Variants in GLS observed in about 807,000 individuals in gnomAD.
GLS encodes the protein glutaminase, also known as glutaminase kidney isoform, mitochondrial.
In GLS, 36 loss-of-function variants were observed where a neutral mutation model predicts 86.7. That is an observed-to-expected ratio of 0.42 (90% CI 0.32 to 0.55). The LOEUF (loss-of-function observed/expected upper bound fraction) is 0.55, where lower values mean the gene tolerates loss of function less well. Among genes scored for constraint, GLS ranks in the 20% least tolerant of loss-of-function variants. The probability of loss-of-function intolerance (pLI) is 0.17; values close to 1 mark genes in which losing one functional copy is unlikely to be tolerated. For missense variants in GLS, 528 were observed against 833.4 expected, an observed-to-expected ratio of 0.63 and a Z score of 4.51; for synonymous variants, 317 against 305.9, an observed-to-expected ratio of 1.04 and a Z score of -0.38.
Position 190,898,694 on chromosome 2 carries a change from C to T in GLS, c.606-1870C>T, listed in dbSNP as rs572695879. On this transcript the variant is annotated intron_variant, in intron 3 of 17. Transcript: ENST00000320717. ...TTGCCCAGGCTGGAGTGCAATGGCGCGATCTTGGCTCACCGCAACCTCCGC... is the reference window on the plus strand; with the variant it reads ...TTGCCCAGGCTGGAGTGCAATGGCGTGATCTTGGCTCACCGCAACCTCCGC... Among the ~76,000 whole-genome samples, 11 of 152,226 alleles carry T rather than the reference C, an allele frequency of 7.2e-5. No homozygotes were observed. In the South Asian group the frequency reaches 1.9e-3, roughly 26 times the overall value.
At position 190,923,653 on chromosome 2, in the gene GLS, TG is replaced by T. The variant is rs1401087108; in HGVS notation, c.1131-263del. 3.3e-5 allele frequency among the ~76,000 whole-genome samples: 5 copies of T among 152,226 alleles called. 1 individual carries two copies. The highest frequency in any genetic ancestry group is 1.2e-4 in the African/African-American group (5 of 41,462). ...TTGAGAATTTTAAAATTAGCATTTT[TG>T]TTTACAAAATATGAAGACTAGAAAG... On this transcript the variant is annotated intron_variant, in intron 9 of 17. Coordinates refer to ENST00000320717, the MANE Select transcript of GLS (RefSeq NM_014905.5).
At chr2:190,899,423 T>G (rs1688864066) in intron 3 of GLS, among the ~76,000 whole-genome samples, 1 of 152,124 alleles carries the variant, frequency 6.6e-6, no homozygotes, top group Admixed American at 6.5e-5. Flanking sequence ...CAAATGAGTA[T>G]ATATTATTCT....
chr2:190,913,795 G>C lies in GLS; in HGVS notation c.1038+3474G>C. ...CTGTCTTCTATGTTTTTACCTCTCA[G>C]AGTTTTTTGTTTTTTGTTTTTTAGA... On this transcript the variant is annotated intron_variant, in intron 7 of 17. Transcript: ENST00000320717. The surrounding 1 kb of genome is among the most constrained non-coding windows in gnomAD (Gnocchi z 6.1). 1.0e-6 allele frequency: 1 copy of C among 954,582 alleles called. No individual in the cohort carries two copies. The highest frequency in any genetic ancestry group is 1.2e-6 in the Non-Finnish European group (1 of 801,942). 59.1% of individuals were successfully genotyped at this position (954,582 alleles called of 1,614,324 possible).
intron 14 of GLS, among the ~76,000 whole-genome samples, chr2:190,945,158 G>C (rs944464876): frequency 5.3e-5 from 8 of 152,182 alleles, no homozygotes; most frequent in African/African-American, 1.9e-4. Context: ...CCTTGCTGAA[G>C]TTGTTTAAAT....
intron 7 of GLS, among the ~76,000 whole-genome samples, chr2:190,918,276 ATCT>A (rs1408625670): frequency 6.6e-6 from 1 of 152,142 alleles, no homozygotes; most frequent in Admixed American, 6.5e-5. Context: ...AGTTAGGTAG[ATCT>A]TCTGGGTAAC....
intron 17 of GLS, among the ~76,000 whole-genome samples, chr2:190,957,165 A>T (rs772110852): frequency 1.9e-4 from 29 of 152,186 alleles, no homozygotes; most frequent in Admixed American, 1.4e-3. Context: ...ACCTCAGCTC[A>T]CTGCAACCTC....
chr2:190,880,868 AGC>A lies in GLS; in HGVS notation c.-212_-211del. The A allele has an allele frequency of 1.3e-6, 1 of 744,510 alleles. No individual in the cohort carries two copies. Among genetic ancestry groups the A allele is most frequent in the African/African-American group, 1.9e-5 (1 of 52,742 alleles). The allele number at this position is 744,510 out of a possible 1,614,324, so 46.1% of individuals were successfully genotyped here. The stretch of plus-strand genomic sequence containing the variant: ...GAAGAGAACCGGTCGCGGCAATCCT[AGC>A]GCGCAGCAGCAGCAGCAGCAGCAGC... On this transcript the variant is annotated 5_prime_UTR_variant, in exon 1 of 18. Coordinates refer to ENST00000320717, the MANE Select transcript of GLS (RefSeq NM_014905.5).
rs923424422 is a variant in GLS at position 190,953,102 on chromosome 2, T to C, written c.1651-463T>C. Reference sequence around the variant, plus strand: ...ACAGTTAACACTGAATGTTCTCTCTTAAGATTTGCAAAGAAGCCAGTGATT... The same window carrying C: ...ACAGTTAACACTGAATGTTCTCTCTCAAGATTTGCAAAGAAGCCAGTGATT... On this transcript the variant is annotated intron_variant, in intron 14 of 17. Coordinates refer to ENST00000320717, the MANE Select transcript of GLS (RefSeq NM_014905.5). The surrounding 1 kb of genome is among the most constrained non-coding windows in gnomAD (Gnocchi z 4.0). Among the ~76,000 whole-genome samples, 1 of 152,234 alleles carries C rather than the reference T, an allele frequency of 6.6e-6. No homozygotes were observed. The highest frequency in any genetic ancestry group is 1.5e-5 in the Non-Finnish European group (1 of 68,040).
chr2:190,941,886 C>G (rs1459630020), intron 14 of GLS, among the ~76,000 whole-genome samples: 1 of 152,056 alleles, frequency 6.6e-6, no homozygotes, highest in Non-Finnish European at 1.5e-5. Context: ...TAAAATACAG[C>G]TAGCTTCCTG....
intron 14 of GLS, among the ~76,000 whole-genome samples, chr2:190,936,237 A>G (rs1255836061): frequency 6.6e-6 from 1 of 151,164 alleles, no homozygotes; most frequent in Admixed American, 6.6e-5. Flanking sequence ...CTGACAGTGT[A>G]TATTTAATAG....
chr2:190,936,453 T>A (rs577404070), intron 14 of GLS, among the ~76,000 whole-genome samples: 7 of 151,364 alleles, frequency 4.6e-5, no homozygotes, highest in African/African-American at 1.7e-4. Context: ...CATTGTGTAC[T>A]ATGTATAAAT....
At chr2:190,922,205 G>T (rs1474062571) in intron 9 of GLS, among the ~76,000 whole-genome samples, 1 of 152,118 alleles carries the variant, frequency 6.6e-6, no homozygotes, top group Non-Finnish European at 1.5e-5. Flanking sequence ...ATAAAAACAG[G>T]CAGCAGGCCG....
At chr2:190,908,680 C>T (rs1689246597) in intron 6 of GLS, among the ~76,000 whole-genome samples, 1 of 152,210 alleles carries the variant, frequency 6.6e-6, no homozygotes, top group Admixed American at 6.5e-5. Context: ...ATTTCACGGT[C>T]ATAGGTCTTA....
chr2:190,918,071 G>A (rs111712274), intron 7 of GLS, among the ~76,000 whole-genome samples: 2,234 of 152,228 alleles, frequency 0.015, 57 homozygotes, highest in African/African-American at 0.049. Context: ...GGACTCTAGG[G>A]TTTTTGGAAT....
intron 3 of GLS, among the ~76,000 whole-genome samples, chr2:190,899,613 C>A (rs1688869354): frequency 6.6e-6 from 1 of 151,992 alleles, no homozygotes; most frequent in Non-Finnish European, 1.5e-5. Context: ...TGGCTTAACA[C>A]CGTGTTTAGC....
rs1368929487 is a variant in GLS, at chr2:190,930,291, C to G, written c.1426-146C>G. ...CAGCCTAGCCTCCAACTCCTGGGCT[C>G]AAGTGATCTGCTTGCCTTGGCCTCC... On this transcript the variant is annotated intron_variant, in intron 12 of 17. Transcript: ENST00000320717. This position sits in a 1 kb window ranked among gnomAD's most constrained non-coding sequence, Gnocchi z 5.0. 1.1e-5 allele frequency: 7 copies of G among 618,050 alleles called. No individual in the cohort carries two copies. In the Admixed American group the frequency reaches 2.0e-4, roughly 18 times the overall value. 38.3% of individuals were successfully genotyped at this position (618,050 alleles called of 1,614,324 possible).
In GLS at chr2:190,924,615, T is replaced by G; in HGVS notation, c.1248+22T>G. 1 of 1,281,736 alleles carries G rather than the reference T, an allele frequency of 7.8e-7. No individual in the cohort carries two copies. Among genetic ancestry groups the G allele is most frequent in the Non-Finnish European group, 1.1e-6 (1 of 876,758 alleles). The allele number at this position is 1,281,736 out of a possible 1,614,324, so 79.4% of individuals were successfully genotyped here. On this transcript the variant is annotated intron_variant, in intron 11 of 17. Coordinates refer to ENST00000320717, the MANE Select transcript of GLS (RefSeq NM_014905.5). This position sits in a 1 kb window ranked among gnomAD's most constrained non-coding sequence, Gnocchi z 5.2. ...CCAGGTAATCTAATTATGTAAATCG[T>G]ATATATAAATGGATGTGTCGGCTGG...
At position 190,893,811 on chromosome 2, in the gene GLS, C is replaced by T. The variant is rs963415153; in HGVS notation, c.387-1341C>T. 2.6e-5 allele frequency among the ~76,000 whole-genome samples: 4 copies of T among 152,300 alleles called. No homozygotes were observed. In the South Asian group the frequency reaches 6.2e-4, roughly 24 times the overall value. On this transcript the variant is annotated intron_variant, in intron 1 of 17. Coordinates refer to ENST00000320717, the MANE Select transcript of GLS (RefSeq NM_014905.5). ...TGTTGGCCAGGCTGATCTCGAACTC[C>T]TGACCTCAAGTGATCCTCCTGCCTC... is the stretch of plus-strand genomic sequence containing the variant.
intron 1 of GLS, among the ~76,000 whole-genome samples, chr2:190,894,744 A>C (rs1688671113): frequency 1.3e-5 from 2 of 152,222 alleles, no homozygotes; most frequent in African/African-American, 4.8e-5. Context: ...AATAATATGT[A>C]AATATAGTCA....
Sources: allele counts gnomAD v4.1 joint callset (sites outside exome capture counted in the v4.1 genomes callset), GRCh38; gene constraint gnomAD v4.1.1; non-coding constraint Gnocchi (gnomAD v3.1); transcripts MANE v1.5; gene names NCBI Gene and HGNC (gene_info 2026-07-23, HGNC 2026-07-21).